ZFYVE28: variants seen among roughly 807,000 people sequenced by gnomAD.
The protein encoded by ZFYVE28 is lateral signaling target protein 2 homolog.
In ZFYVE28, 40 loss-of-function variants were observed where a neutral mutation model predicts 82.1. The ratio of observed to expected loss-of-function variants is 0.49; its 90% CI spans 0.38 to 0.63. ZFYVE28 has a LOEUF of 0.63. Among genes scored for constraint, ZFYVE28 ranks in the 30% least tolerant of loss-of-function variants. The probability of loss-of-function intolerance (pLI) is 0.00; values close to 1 mark genes in which losing one functional copy is unlikely to be tolerated. For missense variants in ZFYVE28, 1,321 were observed against 1,242.1 expected, an observed-to-expected ratio of 1.06 and a Z score of -0.96; for synonymous variants, 612 against 546.1, an observed-to-expected ratio of 1.12 and a Z score of -1.68.
chr4:2,410,689 G>A (rs1306423041), intron 1 of ZFYVE28, among the ~76,000 whole-genome samples: 1 of 151,924 alleles, frequency 6.6e-6, no homozygotes, highest in African/African-American at 2.4e-5. Context: ...TAGAGACGGG[G>A]TTTCACCGTG....
In ZFYVE28 at chr4:2,301,933, C is replaced by T. The variant is rs1045555537; in HGVS notation, c.2051+2356G>A. On this transcript the variant is annotated intron_variant, in intron 8 of 12. Coordinates refer to ENST00000290974, the MANE Select transcript of ZFYVE28 (RefSeq NM_020972.3). ...TCGCGCGAGGCTGTTCATCGTGGCA[C>T]GTCTGTGACAGGAAAAGCCTGGAAA... Among the ~76,000 whole-genome samples the T allele has an allele frequency of 5.3e-5, 8 of 152,334 alleles. No individual in the cohort carries two copies. The South Asian group carries it at 6.2e-4, about 12-fold the overall frequency.
intron 10 of ZFYVE28, among the ~76,000 whole-genome samples, chr4:2,272,776 A>T (rs190336471): frequency 6.6e-6 from 1 of 152,304 alleles, no homozygotes; most frequent in Non-Finnish European, 1.5e-5. Context: ...GCCGAGTCTC[A>T]TCCTTAAGAG....
chr4:2,304,326 A>T lies in ZFYVE28; in HGVS notation c.2014T>A (p.Ser672Thr). 1.2e-6 allele frequency: 2 copies of T among 1,601,614 alleles called. No homozygotes were observed. The highest frequency in any genetic ancestry group is 1.7e-6 in the Non-Finnish European group (2 of 1,178,034). ...EARELHAGSP[S>T]AHEAPQALSG... ...AGGGCCTGAGGCGCCTCGTGAGCCG[A>T]GGGGCTCCCAGCATGCAGCTCTCTG... is the stretch of plus-strand genomic sequence containing the variant. Residue 672 changes from serine (S) to threonine (T), a missense_variant, in exon 8 of 13, where the codon TCG becomes ACG. Ser to Thr is a moderately conservative substitution (Grantham distance 58). Coordinates refer to ENST00000290974, the MANE Select transcript of ZFYVE28 (RefSeq NM_020972.3).
At chr4:2,298,948 C>T (rs558723616) in intron 8 of ZFYVE28, among the ~76,000 whole-genome samples, 4 of 152,322 alleles carry the variant, frequency 2.6e-5, no homozygotes, top group African/African-American at 4.8e-5. Flanking sequence ...GAACATTCCC[C>T]GGCCCCACCA....
chr4:2,271,637 G>A (rs768731705), intron 11 of ZFYVE28, 38 bp downstream of exon 11: 7 of 1,596,290 alleles, frequency 4.4e-6, no homozygotes, highest in South Asian at 2.2e-5. Flanking sequence ...CCCCACTGGT[G>A]TCTAGTGCAG....
intron 1 of ZFYVE28, among the ~76,000 whole-genome samples, chr4:2,389,535 T>C (rs1331427194): frequency 6.6e-6 from 1 of 152,106 alleles, no homozygotes; most frequent in Non-Finnish European, 1.5e-5. Context: ...AAGGGACACA[T>C]GTAAGGCCAG....
chr4:2,293,855 A>T (rs1714131610), intron 8 of ZFYVE28, among the ~76,000 whole-genome samples: 1 of 152,122 alleles, frequency 6.6e-6, no homozygotes, highest in Admixed American at 6.6e-5. Context: ...AAACCAATTG[A>T]CAATGGCATC....
At chr4:2,360,610 G>C (rs1726020227) in intron 1 of ZFYVE28, among the ~76,000 whole-genome samples, 6 of 152,130 alleles carry the variant, frequency 3.9e-5, no homozygotes. Context: ...ATCCCACCCA[G>C]ACCCCTCACT....
intron 1 of ZFYVE28, among the ~76,000 whole-genome samples, chr4:2,381,465 G>A (rs2108914688): frequency 6.6e-6 from 1 of 152,284 alleles, no homozygotes; most frequent in African/African-American, 2.4e-5. Flanking sequence ...GGAGTGCAAT[G>A]GTGTGACCTT....
At chr4:2,350,406 C>G (rs1448021326) in intron 2 of ZFYVE28, among the ~76,000 whole-genome samples, 6 of 151,710 alleles carry the variant, frequency 4.0e-5, no homozygotes, top group East Asian at 1.9e-4. Context: ...GGAACTTGGA[C>G]TGAGCCGAGA....
chr4:2,288,461 G>A, intron 8 of ZFYVE28, among the ~76,000 whole-genome samples: 1 of 152,246 alleles, frequency 6.6e-6, no homozygotes, highest in East Asian at 1.9e-4. Context: ...AGCAGCGCCT[G>A]CCTCCGAGGG....
At chr4:2,364,700 C>G in intron 1 of ZFYVE28, 5 of 985,496 alleles carry the variant, frequency 5.1e-6, no homozygotes, top group Non-Finnish European at 4.8e-6. Flanking sequence ...CACCTCGCGT[C>G]TCGCCGTCAG....
In ZFYVE28 at chr4:2,408,730, C is replaced by T. The variant is rs540128972; in HGVS notation, c.39+9555G>A. On this transcript the variant is annotated intron_variant, in intron 1 of 12. Transcript: ENST00000290974. This position sits in a 1 kb window ranked among gnomAD's most constrained non-coding sequence, Gnocchi z 4.3. Reference sequence around the variant, plus strand: ...ATGAAGCCCCGCCCAGATGCCACCCCGCCCAGATGCAGCCCTATCCAGATG... The same window carrying T: ...ATGAAGCCCCGCCCAGATGCCACCCTGCCCAGATGCAGCCCTATCCAGATG... Among the ~76,000 whole-genome samples the T allele has an allele frequency of 5.9e-5, 9 of 152,256 alleles. No individual in the cohort carries two copies. The South Asian group carries it at 8.3e-4, about 14-fold the overall frequency.
chr4:2,391,793 T>C (rs1729868593), intron 1 of ZFYVE28, among the ~76,000 whole-genome samples: 1 of 148,600 alleles, frequency 6.7e-6, no homozygotes, highest in Non-Finnish European at 1.5e-5. Context: ...TGGAGTGCAG[T>C]GGTGTGATCT....
chr4:2,280,497 G>C (rs1711815579), intron 8 of ZFYVE28, among the ~76,000 whole-genome samples: 2 of 152,108 alleles, frequency 1.3e-5, no homozygotes. Context: ...TGGGCAACGA[G>C]CAAGACCCTG....
At chr4:2,348,883 C>T (rs889895429) in intron 2 of ZFYVE28, among the ~76,000 whole-genome samples, 1 of 152,124 alleles carries the variant, frequency 6.6e-6, no homozygotes, top group African/African-American at 2.4e-5. Flanking sequence ...GATCCTCTTT[C>T]TACCAGAGAA....
At chr4:2,291,088 C>T (rs562297583) in intron 8 of ZFYVE28, among the ~76,000 whole-genome samples, 3 of 152,342 alleles carry the variant, frequency 2.0e-5, no homozygotes, top group South Asian at 2.1e-4. Flanking sequence ...TCGCCCTTCT[C>T]GTCTCGCACC....
At chr4:2,309,268 G>A (rs1717156816) in intron 7 of ZFYVE28, among the ~76,000 whole-genome samples, 3 of 152,158 alleles carry the variant, frequency 2.0e-5, no homozygotes, top group South Asian at 4.1e-4. Flanking sequence ...GACAGAGCAC[G>A]AGGTCCGCAC....
rs1019550954 is a variant in ZFYVE28 at position 2,335,147 on chromosome 4, C to G, written c.701+558G>C. Among the ~76,000 whole-genome samples the G allele has an allele frequency of 1.3e-5, 2 of 151,830 alleles. No homozygotes were observed. Among genetic ancestry groups the G allele is most frequent in the Non-Finnish European group, 1.5e-5 (1 of 67,954 alleles). Reference sequence around the variant, plus strand: ...CAGGCTGCCTTGAGTTCCCTGCTCTCCCAGACGGCCCCGCTGGCAGGAAAG... The same window carrying G: ...CAGGCTGCCTTGAGTTCCCTGCTCTGCCAGACGGCCCCGCTGGCAGGAAAG... On this transcript the variant is annotated intron_variant, in intron 6 of 12. Coordinates refer to ENST00000290974, the MANE Select transcript of ZFYVE28 (RefSeq NM_020972.3). The surrounding 1 kb of genome is among the most constrained non-coding windows in gnomAD (Gnocchi z 5.8).
Sources: gnomAD v4.1 joint callset for allele counts (sites outside exome capture counted in the v4.1 genomes callset) on GRCh38, gnomAD v4.1.1 for gene constraint, Gnocchi (gnomAD v3.1) non-coding constraint, MANE v1.5 for transcripts, NCBI Gene and HGNC (gene_info 2026-07-23, HGNC 2026-07-21) for gene names.